FREM2: variants seen among roughly 807,000 people sequenced by gnomAD.
The protein encoded by FREM2 is FRAS1-related extracellular matrix protein 2.
A neutral mutation model predicts 219.9 loss-of-function variants in FREM2; 119 were observed. The ratio of observed to expected loss-of-function variants is 0.54; its 90% CI spans 0.47 to 0.63. The LOEUF (loss-of-function observed/expected upper bound fraction) is 0.63. FREM2 is among the 30% of genes least tolerant of loss of function. The pLI is 0.00. For synonymous variants in FREM2, 1,562 were observed against 1,522.8 expected, an observed-to-expected ratio of 1.03 and a Z score of -0.60; for missense variants, 4,030 against 3,993.6, an observed-to-expected ratio of 1.01 and a Z score of -0.25.
At chr13:38,765,805 C>T (rs577700704) in intron 3 of FREM2, among the ~76,000 whole-genome samples, 1 of 152,226 alleles carries the variant, frequency 6.6e-6, no homozygotes, top group South Asian at 2.1e-4. Flanking sequence ...GGCTGGTCTC[C>T]CCGCGGCCTC....
chr13:38,834,466 A>T, intron 6 of FREM2, among the ~76,000 whole-genome samples: 1 of 152,216 alleles, frequency 6.6e-6, no homozygotes, highest in East Asian at 1.9e-4. Flanking sequence ...CTATATACCC[A>T]GTAATGGGAT....
intron 12 of FREM2, 45 bp from the exon 13 acceptor site, chr13:38,857,830 A>T (rs2137918714): frequency 6.5e-7 from 1 of 1,539,642 alleles, no homozygotes; most frequent in Non-Finnish European, 9.0e-7. Flanking sequence ...AAGCATCAAA[A>T]GTTTAATATT....
At chr13:38,831,577 T>G (rs1471719923) in intron 6 of FREM2, among the ~76,000 whole-genome samples, 3 of 151,370 alleles carry the variant, frequency 2.0e-5, no homozygotes, top group Non-Finnish European at 4.4e-5. Flanking sequence ...GATATATATT[T>G]TTAAACTTTC....
intron 2 of FREM2, among the ~76,000 whole-genome samples, chr13:38,740,767 A>G (rs1423231362): frequency 2.0e-5 from 3 of 152,190 alleles, no homozygotes; most frequent in Non-Finnish European, 4.4e-5. Flanking sequence ...GTGTTCTTGT[A>G]TATTAAGGTT....
intron 2 of FREM2, among the ~76,000 whole-genome samples, chr13:38,721,850 T>C (rs954513356): frequency 2.0e-5 from 3 of 152,140 alleles, no homozygotes; most frequent in Non-Finnish European, 4.4e-5. Context: ...CCTGATAATA[T>C]AATATTTGGA....
chr13:38,731,296 A>G (rs1030031165), intron 2 of FREM2, among the ~76,000 whole-genome samples: 1 of 152,240 alleles, frequency 6.6e-6, no homozygotes, highest in Non-Finnish European at 1.5e-5. Context: ...AAAAACATAC[A>G]AAGTAAATGA....
At chr13:38,711,913 CTTTTTTTTTTTTT>C (rs1224297915) in intron 2 of FREM2, among the ~76,000 whole-genome samples, 4 of 107,602 alleles carry the variant, frequency 3.7e-5, no homozygotes, top group East Asian at 2.8e-4. Flanking sequence ...CTGATAATTT[CTTTTTTTTTTTTT>C]TTTTTTTTTT....
At chr13:38,864,890 A>G (rs1877903705) in intron 16 of FREM2, among the ~76,000 whole-genome samples, 1 of 152,212 alleles carries the variant, frequency 6.6e-6, no homozygotes, top group Admixed American at 6.5e-5. Flanking sequence ...CTACTCTGAT[A>G]TTATAAAAAT....
intron 6 of FREM2, among the ~76,000 whole-genome samples, chr13:38,807,189 T>TTTTATATA (rs1555268806): frequency 1.1e-4 from 5 of 45,378 alleles, no homozygotes; most frequent in Non-Finnish European, 2.2e-4. Flanking sequence ...CTTGTCTCTG[T>TTTTATATA]TATATATATA....
At chr13:38,783,981 C>G (rs2137830764) in intron 5 of FREM2, among the ~76,000 whole-genome samples, 1 of 152,372 alleles carries the variant, frequency 6.6e-6, no homozygotes, top group African/African-American at 2.4e-5. Flanking sequence ...CGCCTGTAAT[C>G]TCAGCTACTC....
intron 2 of FREM2, among the ~76,000 whole-genome samples, chr13:38,736,558 A>ATTTAT (rs1872003655): frequency 6.6e-6 from 1 of 152,234 alleles, no homozygotes; most frequent in Non-Finnish European, 1.5e-5. Flanking sequence ...TGTTTATTTA[A>ATTTAT]TATGGCATTT....
At position 38,689,909 on chromosome 13, in the gene FREM2, T is replaced by G. The variant is rs115142317; in HGVS notation, c.2565T>G (p.Asn855Lys). 1 of 1,614,154 alleles carries G rather than the reference T, an allele frequency of 6.2e-7. No individual in the cohort carries two copies. Among genetic ancestry groups the G allele is most frequent in the African/African-American group, 1.3e-5 (1 of 75,024 alleles). ...HILSETELHVNDVDTDVAHIS... is the reference protein window; with the variant it reads ...HILSETELHVKDVDTDVAHIS... Reference sequence around the variant, plus strand: ...TGAGTGAGACAGAGTTGCACGTGAATGATGTAGACACTGATGTTGCCCATA... The same window carrying G: ...TGAGTGAGACAGAGTTGCACGTGAAGGATGTAGACACTGATGTTGCCCATA... Residue 855 changes from asparagine to lysine, a missense_variant, in exon 1 of 24, where the codon AAT becomes AAG. By Grantham distance (94) the Asn-to-Lys change is moderately conservative (BLOSUM62 0). This residue lies in a region of FREM2 where 3,102 missense variants were observed against 2,950.7 expected (regional missense o/e 1.05). Coordinates refer to ENST00000280481, the MANE Select transcript of FREM2 (RefSeq NM_207361.6).
chr13:38,690,071 C>CCTGA lies in FREM2; in HGVS notation c.2732_2735dup (p.Ser913Ter), dbSNP rs1246232816. 6.2e-7 allele frequency: 1 copy of CCTGA among 1,613,850 alleles called. No individual in the cohort carries two copies. The highest frequency in any genetic ancestry group is 8.5e-7 in the Non-Finnish European group (1 of 1,180,028). ...CCTATGCCCATAATGGGGACAAGTC[C>CCTGA]CTGACTGATAGCTGCTCCTTGGAAG... On this transcript the variant is annotated frameshift_variant, in exon 1 of 24. Transcript: ENST00000280481. LOFTEE classifies it high-confidence loss of function.
intron 2 of FREM2, among the ~76,000 whole-genome samples, chr13:38,751,189 GT>G (rs1261794941): frequency 3.4e-5 from 3 of 88,420 alleles, no homozygotes; most frequent in Non-Finnish European, 4.5e-5. Context: ...TCATATGACA[GT>G]TCTTTTTTTT....
chr13:38,878,120 C>T lies in FREM2; in HGVS notation c.8672-14C>T. On this transcript the variant is annotated splice_polypyrimidine_tract_variant and intron_variant, in intron 21 of 23. Coordinates refer to ENST00000280481, the MANE Select transcript of FREM2 (RefSeq NM_207361.6). ...TCATATAACAGAAATAACATTTCCA[C>T]ATCTCTATTTCAGGTGATATAATTT... The T allele has an allele frequency of 6.2e-7, 1 of 1,604,758 alleles. No homozygotes were observed. Among genetic ancestry groups the T allele is most frequent in the Non-Finnish European group, 8.5e-7 (1 of 1,171,594 alleles).
intron 4 of FREM2, among the ~76,000 whole-genome samples, chr13:38,772,783 G>A (rs1873718588): frequency 1.3e-5 from 2 of 150,788 alleles, no homozygotes; most frequent in Admixed American, 6.6e-5. Context: ...TGCAACCTTC[G>A]CCTCCTGGGT....
At chr13:38,726,187 G>A (rs1012812607) in intron 2 of FREM2, among the ~76,000 whole-genome samples, 3 of 152,104 alleles carry the variant, frequency 2.0e-5, no homozygotes, top group African/African-American at 7.2e-5. Flanking sequence ...GTGAGGTAGG[G>A]TAAGCAGACC....
intron 2 of FREM2, among the ~76,000 whole-genome samples, chr13:38,738,023 AG>A: frequency 6.6e-6 from 1 of 152,168 alleles, no homozygotes; most frequent in African/African-American, 2.4e-5. Context: ...GGCAAAGAAA[AG>A]AGGGTGTGAA....
At chr13:38,878,089 A>G (rs780500380) in intron 21 of FREM2, 45 bp from the exon 22 acceptor site, 3 of 1,487,122 alleles carry the variant, frequency 2.0e-6, no homozygotes, top group Non-Finnish European at 2.8e-6. Flanking sequence ...ACGTTGATAT[A>G]CCTTATCATA....
Sources: gnomAD v4.1 joint callset for allele counts (sites outside exome capture counted in the v4.1 genomes callset) on GRCh38, gnomAD v4.1.1 for gene constraint, gnomAD v4.1.1 regional missense constraint, MANE v1.5 for transcripts, NCBI Gene and HGNC (gene_info 2026-07-23, HGNC 2026-07-21) for gene names.